The following PRMT2 variants were observed in gnomAD, a reference collection of about 807,000 sequenced individuals.
The protein encoded by PRMT2 is protein arginine N-methyltransferase 2.
In PRMT2, 26 loss-of-function variants were observed where a neutral mutation model predicts 57.6. That is an observed-to-expected ratio of 0.45 (90% CI 0.33 to 0.63). The LOEUF is 0.63. Ranked by LOEUF, PRMT2 falls within the 20% of genes least tolerant of loss-of-function variation. The pLI is 0.02. For synonymous variants in PRMT2, 219 were observed against 220.0 expected (o/e 1.00, Z 0.04); for missense variants, 472 against 564.4 (o/e 0.84, Z 1.66).
chr21:46,639,292 T>C (rs975266845), intron 3 of PRMT2, among the ~76,000 whole-genome samples: 1 of 152,186 alleles, frequency 6.6e-6, no homozygotes, highest in Non-Finnish European at 1.5e-5. Flanking sequence ...GAGTGTTCCA[T>C]GAGTACTTGC....
At chr21:46,637,214 C>T (rs2061189173) in intron 3 of PRMT2, among the ~76,000 whole-genome samples, 1 of 152,144 alleles carries the variant, frequency 6.6e-6, no homozygotes, top group East Asian at 1.9e-4. Flanking sequence ...AATACTTAGC[C>T]CCAAAACATC....
Position 46,635,873 on chromosome 21 carries a change from C to A in PRMT2, c.-166+110C>A, listed in dbSNP as rs551011126. ...CGTCGCTGGCGGACAGAGGCCTCCG[C>A]CCCCTTTTGGGACCTCCGAGCGCCT... On this transcript the variant is annotated intron_variant, in intron 1 of 11. Transcript: ENST00000355680. 2.6e-5 allele frequency: 4 copies of A among 152,540 alleles called. No individual in the cohort carries two copies. The South Asian group carries it at 8.2e-4, about 31-fold the overall frequency. 9.4% of individuals were successfully genotyped at this position (152,540 alleles called of 1,614,324 possible).
intron 3 of PRMT2, among the ~76,000 whole-genome samples, chr21:46,638,109 A>G (rs998407921): frequency 2.6e-5 from 4 of 152,218 alleles, no homozygotes; most frequent in Admixed American, 6.5e-5. Context: ...TCTATGGCTT[A>G]TATAGATATA....
chr21:46,638,378 A>G (rs867144047), intron 3 of PRMT2, among the ~76,000 whole-genome samples: 1 of 152,230 alleles, frequency 6.6e-6, no homozygotes, highest in South Asian at 2.1e-4. Flanking sequence ...CAGTAGGCAT[A>G]TACCCCATTT....
intron 3 of PRMT2, among the ~76,000 whole-genome samples, chr21:46,638,693 T>A (rs1383560611): frequency 6.6e-6 from 1 of 152,272 alleles, no homozygotes; most frequent in Non-Finnish European, 1.5e-5. Context: ...TGCTGACTGG[T>A]CATGGTAGTA....
chr21:46,653,098 G>A (rs371371514), intron 7 of PRMT2: 19 of 1,034,498 alleles, frequency 1.8e-5, no homozygotes, highest in Non-Finnish European at 2.1e-5. Flanking sequence ...ATTATATTCC[G>A]TTATTCTCTT....
At chr21:46,638,242 T>C (rs775192822) in intron 3 of PRMT2, among the ~76,000 whole-genome samples, 5 of 152,228 alleles carry the variant, frequency 3.3e-5, no homozygotes, top group Non-Finnish European at 7.3e-5. Context: ...GTTGTCCTTG[T>C]TATGTGTGTA....
chr21:46,650,963 C>T (rs1016812862), intron 7 of PRMT2, among the ~76,000 whole-genome samples: 22 of 152,324 alleles, frequency 1.4e-4, no homozygotes, highest in South Asian at 4.1e-4. Context: ...CTTTGTGCCA[C>T]GTCCTGGACA....
At chr21:46,640,992 G>A (rs2300406) in intron 3 of PRMT2, among the ~76,000 whole-genome samples, 131,315 of 151,858 alleles carry the variant, frequency 0.86, 56,868 homozygotes, top group East Asian at 0.9. Flanking sequence ...TATCTATATT[G>A]TACCAAGAGT....
At chr21:46,646,775 C>T (rs1249570742) in intron 5 of PRMT2, among the ~76,000 whole-genome samples, 2 of 151,300 alleles carry the variant, frequency 1.3e-5, no homozygotes, top group Non-Finnish European at 3.0e-5. Context: ...GCCAGTTCGC[C>T]CTCCAGAAAG....
intron 8 of PRMT2, among the ~76,000 whole-genome samples, chr21:46,660,532 C>T (rs1194148823): frequency 1.3e-5 from 2 of 152,198 alleles, no homozygotes; most frequent in African/African-American, 4.8e-5. Flanking sequence ...TTTCCGTGTG[C>T]TCAGATCCCA....
At chr21:46,640,372 C>T (rs931625142) in intron 3 of PRMT2, among the ~76,000 whole-genome samples, 19 of 151,442 alleles carry the variant, frequency 1.3e-4, no homozygotes, top group African/African-American at 4.1e-4. Flanking sequence ...TTCAACCTGA[C>T]AACTTTATGT....
At chr21:46,659,842 A>C in intron 8 of PRMT2, 2 of 985,458 alleles carry the variant, frequency 2.0e-6, no homozygotes, top group Non-Finnish European at 1.2e-6. Flanking sequence ...TGTCTGTTAA[A>C]AAAGAAACCA....
chr21:46,663,669 G>T (rs748430840), intron 11 of PRMT2, 115 bp downstream of exon 11: 325 of 1,070,744 alleles, frequency 3.0e-4, no homozygotes, highest in Non-Finnish European at 4.2e-4. Context: ...CGCCTTTTGT[G>T]CAGGAGTGAT....
rs768567113 is a variant in PRMT2, at chr21:46,664,298, G to A, written c.1273G>A (p.Gly425Arg). The A allele has an allele frequency of 6.2e-7, 1 of 1,610,904 alleles. No individual in the cohort carries two copies. Among genetic ancestry groups the A allele is most frequent in the East Asian group, 2.2e-5 (1 of 44,852 alleles). ...SRQDPTSQKV[G>R]EKVFPIWR Reference sequence around the variant, plus strand: ...TGTTGTCATTTATCTTTTTCAGGTTGGAGAAAAAGTCTTCCCCATCTGGAG... The same window carrying A: ...TGTTGTCATTTATCTTTTTCAGGTTAGAGAAAAAGTCTTCCCCATCTGGAG... The change falls in exon 12 of 12, where the codon GGA becomes AGA. Residue 425 changes from glycine (G) to arginine (R), a missense_variant. Gly to Arg is a moderately radical substitution (Grantham distance 125, BLOSUM62 -2). Transcript: ENST00000355680.
chr21:46,649,827 G>A lies in PRMT2; in HGVS notation c.654+88G>A, dbSNP rs1444282814. On this transcript the variant is annotated intron_variant, in intron 7 of 11. Transcript: ENST00000355680. This position sits in a 1 kb window ranked among gnomAD's most constrained non-coding sequence, Gnocchi z 4.8. ...CTGGGCCAACCTCAGGATCTCAAGG[G>A]TCGTGCGTGATTCATTTTGATGTTT... The A allele has an allele frequency of 3.9e-6, 6 of 1,546,220 alleles. No individual in the cohort carries two copies. Among genetic ancestry groups the A allele is most frequent in the East Asian group, 4.9e-5 (2 of 41,094 alleles).
intron 5 of PRMT2, among the ~76,000 whole-genome samples, chr21:46,646,100 G>A (rs2061361476): frequency 6.6e-6 from 1 of 152,150 alleles, no homozygotes; most frequent in African/African-American, 2.4e-5. Flanking sequence ...GAGGTTACCT[G>A]CTGGTAGGGG....
intron 7 of PRMT2, chr21:46,652,620 G>A (rs1022331816): frequency 4.3e-5 from 42 of 984,992 alleles, no homozygotes; most frequent in Non-Finnish European, 2.2e-5. Flanking sequence ...AGTGTGCACC[G>A]CCATGCCCTT....
At chr21:46,645,439 CTG>C (rs1465163551) in intron 5 of PRMT2, among the ~76,000 whole-genome samples, 1 of 152,118 alleles carries the variant, frequency 6.6e-6, no homozygotes, top group Non-Finnish European at 1.5e-5. Context: ...GCACTCCAGC[CTG>C]GGTGATTGAA....
Sources: allele counts gnomAD v4.1 joint callset (sites outside exome capture counted in the v4.1 genomes callset), GRCh38; gene constraint gnomAD v4.1.1; non-coding constraint Gnocchi (gnomAD v3.1); transcripts MANE v1.5; gene names NCBI Gene and HGNC (gene_info 2026-07-23, HGNC 2026-07-21).